The following LIMD1 variants were observed in gnomAD, a reference collection of about 807,000 sequenced individuals.
LIMD1 encodes the protein LIM domain-containing protein 1.
Under a neutral mutation model 58.4 loss-of-function variants are expected in LIMD1, and 23 were observed. That is an observed-to-expected ratio of 0.39 (90% CI 0.28 to 0.56). The LOEUF (loss-of-function observed/expected upper bound fraction) is 0.56. Among genes scored for constraint, LIMD1 ranks in the 20% least tolerant of loss-of-function variants. The probability of loss-of-function intolerance (pLI) is 0.57; values close to 1 mark genes in which losing one functional copy is unlikely to be tolerated. For missense variants in LIMD1, 838 were observed against 855.5 expected (o/e 0.98, Z 0.25); for synonymous variants, 334 against 345.5 (o/e 0.97, Z 0.37).
intron 4 of LIMD1, 111 bp from the exon 5 acceptor site, chr3:45,672,579 T>C: frequency 1.6e-6 from 2 of 1,237,808 alleles, no homozygotes; most frequent in South Asian, 2.7e-5. Context: ...CGGGGGTAAG[T>C]GTACTCTGTG....
At chr3:45,613,580 GT>G (rs35966139) in intron 1 of LIMD1, among the ~76,000 whole-genome samples, 210 of 130,844 alleles carry the variant, frequency 1.6e-3, no homozygotes, top group African/African-American at 4.3e-3. Flanking sequence ...CCCTGTTGAG[GT>G]TTTTTTTTTT....
chr3:45,613,123 A>G (rs1156567348), intron 1 of LIMD1: 3 of 152,230 alleles, frequency 2.0e-5, no homozygotes, highest in Non-Finnish European at 4.4e-5. Flanking sequence ...CCTAAGAGCA[A>G]GAGGGCTGTG....
chr3:45,643,538 C>T (rs1469559339), intron 2 of LIMD1, among the ~76,000 whole-genome samples: 1 of 151,808 alleles, frequency 6.6e-6, no homozygotes, highest in Non-Finnish European at 1.5e-5. Flanking sequence ...GTCCTGTGTG[C>T]TCACTCCAGG....
chr3:45,668,438 G>A (rs934994348), intron 4 of LIMD1, 82 bp downstream of exon 4: 10 of 1,112,238 alleles, frequency 9.0e-6, no homozygotes, highest in South Asian at 7.9e-5. Flanking sequence ...AATAATTGAG[G>A]ACAGTGTTTC....
chr3:45,595,756 A>T lies in LIMD1; in HGVS notation c.877A>T (p.Arg293Trp). The change falls in exon 1 of 8, where the codon AGG (arginine) becomes TGG (tryptophan). Residue 293 changes from arginine (R) to tryptophan (W), a missense_variant. By Grantham distance (101) the Arg-to-Trp change is moderately radical. Around this residue, in one of 3 missense-constraint regions of LIMD1, gnomAD observed 659 missense variants for 639.8 expected, o/e 1.03. Transcript: ENST00000273317. ...ACCAGCTGTGGGGCCTGTTCAGCCC[A>T]GGACCCCTTCTGTGTCAGCACCCTT... ...GAPAVGPVQP[R>W]TPSVSAPLAL... The T allele has an allele frequency of 6.2e-7, 1 of 1,614,122 alleles. No homozygotes were observed.
At chr3:45,657,705 T>C (rs539555619) in intron 2 of LIMD1, among the ~76,000 whole-genome samples, 13 of 152,294 alleles carry the variant, frequency 8.5e-5, no homozygotes, top group African/African-American at 2.9e-4. Context: ...GTTCCCATCC[T>C]GCCCACTTAC....
chr3:45,652,609 T>G (rs891158093), intron 2 of LIMD1, among the ~76,000 whole-genome samples: 2 of 152,218 alleles, frequency 1.3e-5, no homozygotes, highest in Non-Finnish European at 2.9e-5. Context: ...CTTTTATGAT[T>G]TATTAGATGA....
intron 2 of LIMD1, among the ~76,000 whole-genome samples, chr3:45,653,556 T>G (rs894938896): frequency 2.6e-5 from 4 of 152,168 alleles, no homozygotes; most frequent in African/African-American, 9.7e-5. Context: ...CGAGGCTGGA[T>G]CTCTCCTTCA....
At chr3:45,634,101 T>C (rs767732451) in intron 1 of LIMD1, among the ~76,000 whole-genome samples, 1 of 152,224 alleles carries the variant, frequency 6.6e-6, no homozygotes, top group Non-Finnish European at 1.5e-5. Context: ...TATTTGAACA[T>C]ATTCAAACAC....
chr3:45,682,188 T>A lies in LIMD1; in HGVS notation c.*5129T>A, dbSNP rs1422835056. On this transcript the variant is annotated 3_prime_UTR_variant, in exon 8 of 8. Coordinates refer to ENST00000273317, the MANE Select transcript of LIMD1 (RefSeq NM_014240.3). ...AAGTTTTTTTTTTCTTTTTAAGTGA[T>A]GAGAGAATGGCTAGTCTGATTTTGC... 6.6e-6 allele frequency: 1 copy of A among 152,062 alleles called. No homozygotes were observed. The highest frequency in any genetic ancestry group is 6.5e-5 in the Admixed American group (1 of 15,268). The allele number at this position is 152,062 out of a possible 1,614,324, so 9.4% of individuals were successfully genotyped here.
chr3:45,608,959 T>A (rs1416462835), intron 1 of LIMD1, among the ~76,000 whole-genome samples: 1 of 152,154 alleles, frequency 6.6e-6, no homozygotes, highest in Non-Finnish European at 1.5e-5. Context: ...GAGATATTTG[T>A]TGAATGAATG....
Position 45,627,706 on chromosome 3 carries a change from C to CAAA in LIMD1, c.1409-8427_1409-8425dup, listed in dbSNP as rs35897504. On this transcript the variant is annotated intron_variant, in intron 1 of 7. Transcript: ENST00000273317. The stretch of plus-strand genomic sequence containing the variant: ...GGATGAACCTCCTGCCTAAAACAAC[C>CAAA]AAAAAAAAAAAAAAAAAAAGGCCAG... 6.9e-4 allele frequency among the ~76,000 whole-genome samples: 67 copies of CAAA among 97,186 alleles called. 3 individuals are homozygous for CAAA. Among genetic ancestry groups the CAAA allele is most frequent in the African/African-American group, 2.0e-3 (51 of 25,570 alleles). The allele number at this position is 97,186 out of a possible 152,430, so 63.8% of individuals were successfully genotyped here.
At chr3:45,619,110 GCTTGT>G (rs1701605964) in intron 1 of LIMD1, among the ~76,000 whole-genome samples, 1 of 152,130 alleles carries the variant, frequency 6.6e-6, no homozygotes. Flanking sequence ...TGTTTTTGTT[GCTTGT>G]CTTATCTAAA....
rs1701317346 is a variant in LIMD1 at position 45,594,799 on chromosome 3, A to ACACACACACAC, written c.-80_-70dup. Reference sequence around the variant, plus strand: ...CCTCAACACACACACACACACACACACACACACACACACACACACACACAC... The same window carrying ACACACACACAC: ...CCTCAACACACACACACACACACACACACACACACACCACACACACACACACACACACACAC... On this transcript the variant is annotated 5_prime_UTR_variant, in exon 1 of 8. Coordinates refer to ENST00000273317, the MANE Select transcript of LIMD1 (RefSeq NM_014240.3). 2 of 145,406 alleles carry ACACACACACAC rather than the reference A, an allele frequency of 1.4e-5. No individual in the cohort carries two copies. 9.0% of individuals were successfully genotyped at this position (145,406 alleles called of 1,614,324 possible).
Position 45,596,265 on chromosome 3 carries a change from T to C in LIMD1, c.1386T>C (p.Ala462=), listed in dbSNP as rs772571708. ...AACGTCTGGAGCGAGAGATGGATGC[T>C]CACCCGAAGGCTGATTACTTTGGTG... ...LTQRLEREMD[A]HPKADYFGAC... Residue 462 remains alanine (A), a synonymous_variant, in exon 1 of 8, where the codon GCT becomes GCC. Transcript: ENST00000273317. The C allele has an allele frequency of 1.4e-5, 22 of 1,606,866 alleles. No homozygotes were observed. Among genetic ancestry groups the C allele is most frequent in the Admixed American group, 8.5e-5 (5 of 58,688 alleles).
At chr3:45,596,567 T>C (rs2099654) in intron 1 of LIMD1, among the ~76,000 whole-genome samples, 50 of 152,176 alleles carry the variant, frequency 3.3e-4, no homozygotes, top group African/African-American at 1.1e-3. Flanking sequence ...AAAAGAGAAA[T>C]GCTGTGACTT....
intron 2 of LIMD1, among the ~76,000 whole-genome samples, chr3:45,646,707 T>G (rs199637717): frequency 3.8e-4 from 58 of 150,924 alleles, no homozygotes; most frequent in East Asian, 5.9e-4. Context: ...TTTTTTTTTT[T>G]GAGACAGTCT....
rs1330725187 is a variant in LIMD1 at position 45,595,331 on chromosome 3, G to T, written c.452G>T (p.Arg151Met). ...TRHGSQDCGS[R>M]ESLATSEMSA... The stretch of plus-strand genomic sequence containing the variant: ...CATGGCAGCCAGGACTGTGGTTCCA[G>T]GGAGAGCCTGGCGACTTCTGAGATG... The change falls in exon 1 of 8, where the codon AGG becomes ATG. Residue 151 changes from arginine to methionine, a missense_variant. Transcript: ENST00000273317. 2.5e-6 allele frequency: 4 copies of T among 1,613,474 alleles called. No individual in the cohort carries two copies. The highest frequency in any genetic ancestry group is 3.4e-6 in the Non-Finnish European group (4 of 1,180,052).
rs540775102 is a variant in LIMD1, at chr3:45,623,574, C to T, written c.1409-12576C>T. Among the ~76,000 whole-genome samples, 4 of 152,248 alleles carry T rather than the reference C, an allele frequency of 2.6e-5. No individual in the cohort carries two copies. The South Asian group carries it at 8.3e-4, about 32-fold the overall frequency. On this transcript the variant is annotated intron_variant, in intron 1 of 7. Transcript: ENST00000273317. ...AGTAAGGCCATCGTTGGTTTTGAGGCCATGTGTGTTTTAATGGCAAGTTCA... is the reference window on the plus strand; with the variant it reads ...AGTAAGGCCATCGTTGGTTTTGAGGTCATGTGTGTTTTAATGGCAAGTTCA...
Sources: gnomAD v4.1 joint callset for allele counts (sites outside exome capture counted in the v4.1 genomes callset) on GRCh38, gnomAD v4.1.1 for gene constraint, gnomAD v4.1.1 regional missense constraint, MANE v1.5 for transcripts, NCBI Gene and HGNC (gene_info 2026-07-23, HGNC 2026-07-21) for gene names.